RSPH14: variants seen among roughly 807,000 people sequenced by gnomAD.
The protein encoded by RSPH14 is radial spoke head 14 homolog, also known as rhabdoid tumor deletion region gene 1.
RSPH14 carries 20 observed loss-of-function variants against 26.7 expected under a neutral mutation model. That is an observed-to-expected ratio of 0.75 (90% CI 0.53 to 1.09). RSPH14 has a LOEUF of 1.09. RSPH14 is among the 50% of genes least tolerant of loss of function. The pLI is 0.00. For missense variants in RSPH14, 449 were observed against 457.2 expected, an observed-to-expected ratio of 0.98 and a Z score of 0.16; for synonymous variants, 177 against 189.3, an observed-to-expected ratio of 0.93 and a Z score of 0.53.
chr22:23,123,758 T>C, intron 4 of RSPH14: 1 of 328,784 alleles, frequency 3.0e-6, no homozygotes, highest in South Asian at 4.1e-5. Context: ...CTTCCTGAGT[T>C]GGCCCCACTC....
the RSPH14 span, among the ~76,000 whole-genome samples, chr22:23,171,843 AAAAAAAAAAAAC>A: frequency 1.9e-5 from 1 of 52,816 alleles, no homozygotes; most frequent in East Asian, 1.0e-3. Context: ...ACTCTGTCTC[AAAAAAAAAAAAC>A]AAAAAAAAAA....
chr22:23,145,256 C>CCCCCCCCCCA, upstream of RSPH14: 1 of 924,720 alleles, frequency 1.1e-6, no homozygotes, highest in South Asian at 1.5e-5. Flanking sequence ...CGCCCACCGC[C>CCCCCCCCCCA]CACCCATCCA....
rs1223227824 is a variant in RSPH14 at position 23,088,085 on chromosome 22, C to T, written c.422-23952G>A. 2.0e-5 allele frequency among the ~76,000 whole-genome samples: 3 copies of T among 152,208 alleles called. No individual in the cohort carries two copies. In the East Asian group the frequency reaches 5.8e-4, roughly 29 times the overall value. ...TACACCCAGGAATGAACAAGGACAA[C>T]TTGGAAGTTAGAAGCAAGATGGAGT... On this transcript the variant is annotated intron_variant, in intron 4 of 6. Transcript: ENST00000216036.
rs1456220035 is a variant in RSPH14 at position 23,138,957 on chromosome 22, AAAAAC to A, written c.200-20_200-16del. The A allele has an allele frequency of 2.6e-6, 4 of 1,530,834 alleles. No homozygotes were observed. The highest frequency in any genetic ancestry group is 3.5e-6 in the Non-Finnish European group (4 of 1,141,492). The allele number at this position is 1,530,834 out of a possible 1,614,324, so 94.8% of individuals were successfully genotyped here. The stretch of plus-strand genomic sequence containing the variant: ...CTCCATACAGCCTAGAAAAAAAAAA[AAAAAC>A]AAACAAACCAACCCTTGAATTTTTG... On this transcript the variant is annotated splice_polypyrimidine_tract_variant and intron_variant, in intron 2 of 6. Coordinates refer to ENST00000216036, the MANE Select transcript of RSPH14 (RefSeq NM_014433.3).
At position 23,088,194 on chromosome 22, in the gene RSPH14, C is replaced by T. The variant is rs2068867830; in HGVS notation, c.422-24061G>A. Among the ~76,000 whole-genome samples the T allele has an allele frequency of 2.0e-5, 3 of 152,204 alleles. No individual in the cohort carries two copies. In the South Asian group the frequency reaches 6.2e-4, roughly 31 times the overall value. On this transcript the variant is annotated intron_variant, in intron 4 of 6. Transcript: ENST00000216036. ...CCTGCAGGTTCCCATACTCACGCAG[C>T]AAGTCAAGTGATCTGAGTTATATGA...
intron 4 of RSPH14, among the ~76,000 whole-genome samples, chr22:23,089,193 ATAAGTCTTCCCGCCCCTGGCTTAGCCGG>A (rs1246911601): frequency 6.6e-6 from 1 of 152,202 alleles, no homozygotes; most frequent in Non-Finnish European, 1.5e-5. Context: ...CTATAAGCTG[ATAAGTCTTCCCGCCCCTGGCTTAGCCGG>A]CTTGGGCAGT....
intron 5 of RSPH14, among the ~76,000 whole-genome samples, chr22:23,063,573 T>C (rs2068135489): frequency 6.6e-6 from 1 of 152,216 alleles, no homozygotes; most frequent in African/African-American, 2.4e-5. Flanking sequence ...AGACAACGCC[T>C]GGCACACAGG....
At chr22:23,064,208 T>A in intron 4 of RSPH14, 75 bp from the exon 5 acceptor site, 1 of 1,368,372 alleles carries the variant, frequency 7.3e-7, no homozygotes, top group Non-Finnish European at 1.0e-6. Context: ...CCTGCAGGGC[T>A]CAAGGAGGGT....
At chr22:23,110,868 C>A (rs573572187) in intron 4 of RSPH14, among the ~76,000 whole-genome samples, 5 of 152,310 alleles carry the variant, frequency 3.3e-5, no homozygotes, top group African/African-American at 1.2e-4. Flanking sequence ...CTGAGGCTGG[C>A]GAGCACACGG....
chr22:23,090,000 C>T (rs1288126830), intron 4 of RSPH14, among the ~76,000 whole-genome samples: 3 of 152,158 alleles, frequency 2.0e-5, no homozygotes, highest in Admixed American at 6.5e-5. Flanking sequence ...GGCCCTATGT[C>T]GCACTAAGTC....
chr22:23,070,892 G>C (rs1432981769), intron 4 of RSPH14: 1 of 152,272 alleles, frequency 6.6e-6, no homozygotes, highest in African/African-American at 2.4e-5. Flanking sequence ...CGGGGCCGCC[G>C]GGCGCCCCCA....
the RSPH14 span, among the ~76,000 whole-genome samples, chr22:23,158,734 C>T: frequency 1.3e-5 from 2 of 152,232 alleles, no homozygotes; most frequent in African/African-American, 4.8e-5. Context: ...AACGCCCTTC[C>T]GGCTGGAGGT....
At chr22:23,076,441 C>T (rs2068509488) in intron 4 of RSPH14, among the ~76,000 whole-genome samples, 1 of 152,190 alleles carries the variant, frequency 6.6e-6, no homozygotes, top group Admixed American at 6.5e-5. Flanking sequence ...GCTGCAGAAC[C>T]CCTGCTCCAG....
intron 4 of RSPH14, among the ~76,000 whole-genome samples, chr22:23,114,028 T>C (rs893075694): frequency 6.6e-6 from 1 of 152,166 alleles, no homozygotes; most frequent in Admixed American, 6.5e-5. Context: ...GTGAGAGGCT[T>C]GGCCGGTACT....
chr22:23,123,248 C>A, intron 4 of RSPH14: 1 of 1,614,210 alleles, frequency 6.2e-7, no homozygotes, highest in Non-Finnish European at 8.5e-7. Flanking sequence ...AGGGCCAGAA[C>A]ACGTACGAGG....
chr22:23,074,716 C>T (rs953416900), intron 4 of RSPH14, among the ~76,000 whole-genome samples: 5 of 152,128 alleles, frequency 3.3e-5, no homozygotes, highest in Admixed American at 2.0e-4. Flanking sequence ...TGAGGATTGA[C>T]GGGCAAGTGA....
intron 3 of RSPH14, among the ~76,000 whole-genome samples, chr22:23,137,618 G>A (rs2070504849): frequency 6.6e-6 from 1 of 151,964 alleles, no homozygotes; most frequent in Admixed American, 6.6e-5. Context: ...CTCTCTGAAT[G>A]GCTGCCTGTT....
chr22:23,072,448 G>A (rs563426887), intron 4 of RSPH14, among the ~76,000 whole-genome samples: 2 of 152,320 alleles, frequency 1.3e-5, no homozygotes, highest in South Asian at 4.1e-4. Context: ...TGAGACAGGA[G>A]GTGAATAAGA....
the RSPH14 span, among the ~76,000 whole-genome samples, chr22:23,165,214 G>A: frequency 6.6e-6 from 1 of 152,242 alleles, no homozygotes. Context: ...AGGCAGGGAA[G>A]CAAGAAGGTT....
Sources: allele counts gnomAD v4.1 joint callset (sites outside exome capture counted in the v4.1 genomes callset), GRCh38; gene constraint gnomAD v4.1.1; transcripts MANE v1.5; gene names NCBI Gene and HGNC (gene_info 2026-07-23, HGNC 2026-07-21).